Variants in DOCK11 observed in about 807,000 individuals in gnomAD.
DOCK11 encodes the protein dedicator of cytokinesis 11.
A neutral mutation model predicts 169.1 loss-of-function variants in DOCK11; 70 were observed. The ratio of observed to expected loss-of-function variants is 0.41; its 90% CI spans 0.34 to 0.51. DOCK11 has a LOEUF of 0.51. DOCK11 is among the 20% of genes least tolerant of loss of function. DOCK11 has a pLI of 0.10. For missense variants in DOCK11, 1,166 were observed against 1,538.8 expected (o/e 0.76, Z 4.05); for synonymous variants, 529 against 541.3 (o/e 0.98, Z 0.32).
intron 24 of DOCK11, 50 bp from the exon 25 acceptor site, chrX:118,608,022 T>C (rs778167051): frequency 4.8e-6 from 5 of 1,041,444 alleles, no homozygotes; most frequent in Non-Finnish European, 6.6e-6. Context: ...AATCAAAATA[T>C]GTTAATTCAT....
chrX:118,559,851 A>T (rs901892856), intron 6 of DOCK11, among the ~76,000 whole-genome samples: 3 of 111,783 alleles, frequency 2.7e-5, no homozygotes, highest in Non-Finnish European at 5.6e-5. Context: ...TGAATATGAG[A>T]ATATATGTAT....
At chrX:118,646,122 A>G (rs1345541507) in intron 40 of DOCK11, among the ~76,000 whole-genome samples, 3 of 110,114 alleles carry the variant, frequency 2.7e-5, no homozygotes, top group Non-Finnish European at 5.7e-5. Flanking sequence ...ATTATTGAAA[A>G]GGGGCCAGCT....
intron 36 of DOCK11, among the ~76,000 whole-genome samples, chrX:118,636,828 T>TACACACACACACACAC (rs765702693): frequency 9.9e-6 from 1 of 100,551 alleles, no homozygotes; most frequent in Admixed American, 1.1e-4. Flanking sequence ...TATTTGTGTG[T>TACACACACACACACAC]ACACACACAC....
intron 1 of DOCK11, among the ~76,000 whole-genome samples, chrX:118,535,676 G>A (rs2011729326): frequency 8.9e-6 from 1 of 111,889 alleles, no homozygotes; most frequent in South Asian, 3.7e-4. Context: ...TGGTCTCATG[G>A]AAAGTATGAC....
At chrX:118,622,534 C>T (rs941254539) in intron 31 of DOCK11, among the ~76,000 whole-genome samples, 1 of 111,567 alleles carries the variant, frequency 9.0e-6, no homozygotes, top group Non-Finnish European at 1.9e-5. Flanking sequence ...TGTAATTTCT[C>T]TTCCCCTAGA....
chrX:118,647,721 ATAAT>A (rs1340703853), intron 40 of DOCK11, among the ~76,000 whole-genome samples: 10 of 52,851 alleles, frequency 1.9e-4, no homozygotes, highest in East Asian at 1.9e-3. Context: ...ATAATATATA[ATAAT>A]TAATATAATA....
chrX:118,510,286 C>T (rs1034840236), intron 1 of DOCK11, among the ~76,000 whole-genome samples: 22 of 112,240 alleles, frequency 2.0e-4, no homozygotes, highest in African/African-American at 5.2e-4. Context: ...AACAGCCAGG[C>T]GCAGAAGTCT....
chrX:118,497,125 TTTTG>T (rs1240353054), intron 1 of DOCK11, among the ~76,000 whole-genome samples: 2 of 112,629 alleles, frequency 1.8e-5, no homozygotes, highest in Non-Finnish European at 3.8e-5. Flanking sequence ...TGGTTGTTGT[TTTTG>T]TTTGTTTTTG....
chrX:118,530,755 C>G (rs1239921130), intron 1 of DOCK11, among the ~76,000 whole-genome samples: 1 of 111,982 alleles, frequency 8.9e-6, no homozygotes, highest in Non-Finnish European at 1.9e-5. Context: ...GCCCTTACTC[C>G]ATTGCATCAT....
intron 30 of DOCK11, among the ~76,000 whole-genome samples, chrX:118,618,070 A>G (rs1375716739): frequency 8.9e-6 from 1 of 111,840 alleles, no homozygotes; most frequent in East Asian, 2.8e-4. Context: ...ATTTACTAAA[A>G]CAGTCAATAC....
intron 1 of DOCK11, among the ~76,000 whole-genome samples, chrX:118,507,275 C>T (rs1216108875): frequency 8.9e-6 from 1 of 112,175 alleles, no homozygotes; most frequent in Non-Finnish European, 1.9e-5. Context: ...ACTGAGAAGT[C>T]AAGTGTTGCT....
In DOCK11 at chrX:118,641,296, G is replaced by A. The variant is rs746288087; in HGVS notation, c.4251G>A (p.Gln1417=). ...TVLDTISFFT[Q]CFKTQLLNND... ...TAGACACCATATCATTTTTCACTCA[G>A]TGCTTCAAGGTAAAAATGAAGAGTT... The change falls in exon 39 of 53, where the codon CAG becomes CAA. Residue 1417 remains glutamine (Q), a synonymous_variant. Coordinates refer to ENST00000276202, the MANE Select transcript of DOCK11 (RefSeq NM_144658.4). 2.6e-6 allele frequency: 3 copies of A among 1,168,122 alleles called. No individual in the cohort carries two copies. The highest frequency in any genetic ancestry group is 2.3e-6 in the Non-Finnish European group (2 of 858,452).
At chrX:118,597,577 A>G (rs775868078) in intron 21 of DOCK11, 25 bp downstream of exon 21, 1 of 1,207,117 alleles carries the variant, frequency 8.3e-7, no homozygotes, top group South Asian at 1.8e-5. Context: ...CATTTGTTGA[A>G]GTAATCATGA....
intron 6 of DOCK11, among the ~76,000 whole-genome samples, chrX:118,558,028 G>A (rs1258961161): frequency 3.0e-5 from 3 of 101,242 alleles, no homozygotes; most frequent in Non-Finnish European, 6.0e-5. Flanking sequence ...AGGCTGGAGT[G>A]CAGTGGTGTG....
At chrX:118,617,683 C>A (rs1369026255) in intron 30 of DOCK11, among the ~76,000 whole-genome samples, 1 of 110,521 alleles carries the variant, frequency 9.0e-6, no homozygotes, top group African/African-American at 3.3e-5. Context: ...AGTTCGAGAC[C>A]ATCCTGGCCA....
intron 24 of DOCK11, among the ~76,000 whole-genome samples, chrX:118,607,229 G>A (rs1292569463): frequency 1.1e-5 from 1 of 94,341 alleles, no homozygotes. Context: ...CAATTCTCCT[G>A]CCTCAGCCTC....
chrX:118,682,857 C>G (rs1398379865), intron 51 of DOCK11, among the ~76,000 whole-genome samples: 1 of 111,640 alleles, frequency 9.0e-6, no homozygotes, highest in Non-Finnish European at 1.9e-5. Flanking sequence ...TGAGCCAAGT[C>G]TTGAAGGAGA....
intron 6 of DOCK11, among the ~76,000 whole-genome samples, chrX:118,559,681 C>T (rs1056003945): frequency 1.8e-5 from 2 of 109,472 alleles, no homozygotes; most frequent in South Asian, 3.9e-4. Context: ...CTCAGGAGTT[C>T]GAGACCAGCA....
At chrX:118,636,701 G>T (rs768408940) in intron 36 of DOCK11, among the ~76,000 whole-genome samples, 33 of 111,852 alleles carry the variant, frequency 3.0e-4, no homozygotes, top group Middle Eastern at 9.1e-3. Context: ...CATCTGTCGT[G>T]CATCATTCAT....
Sources: gnomAD v4.1 joint callset for allele counts (sites outside exome capture counted in the v4.1 genomes callset) on GRCh38, gnomAD v4.1.1 for gene constraint, MANE v1.5 for transcripts, NCBI Gene and HGNC (gene_info 2026-07-23, HGNC 2026-07-21) for gene names.